Variants in NXPE2 observed in about 807,000 individuals in gnomAD.
The protein encoded by NXPE2 is neurexophilin and PC-esterase domain family member 2, also known as NXPE family member 2.
In NXPE2, 34 loss-of-function variants were observed where a neutral mutation model predicts 34.4. The ratio of observed to expected loss-of-function variants is 0.99; its 90% CI spans 0.75 to 1.31. The LOEUF (loss-of-function observed/expected upper bound fraction) is 1.31. Among genes scored for constraint, NXPE2 ranks in the 40% most tolerant of loss-of-function variants. The probability of loss-of-function intolerance (pLI) is 0.00; values close to 1 mark genes in which losing one functional copy is unlikely to be tolerated. For synonymous variants in NXPE2, 235 were observed against 231.3 expected (o/e 1.02, Z -0.15); for missense variants, 649 against 672.5 (o/e 0.97, Z 0.39).
At chr11:114,551,385 A>T in the NXPE2 span, 1 of 1,373,250 alleles carries the variant, frequency 7.3e-7, no homozygotes, top group South Asian at 1.8e-5. Context: ...TTGTCTACCT[A>T]TTGGATACTT....
chr11:114,654,772 A>G, the NXPE2 span, among the ~76,000 whole-genome samples: 2 of 152,202 alleles, frequency 1.3e-5, no homozygotes, highest in Non-Finnish European at 2.9e-5. Flanking sequence ...ATAGTGCTGC[A>G]ATAAATATAT....
At chr11:114,718,599 C>T in the NXPE2 span, among the ~76,000 whole-genome samples, 6 of 152,070 alleles carry the variant, frequency 3.9e-5, no homozygotes, top group Non-Finnish European at 8.8e-5. Context: ...GCAAAGGCTA[C>T]AATAATTGTG....
the NXPE2 span, among the ~76,000 whole-genome samples, chr11:114,716,907 A>G: frequency 5.9e-5 from 9 of 152,210 alleles, no homozygotes; most frequent in East Asian, 1.7e-3. Context: ...GTCTTTCTAT[A>G]TATTTGGTGC....
At chr11:114,695,585 C>T (rs1335823846) in intron 2 of NXPE2, among the ~76,000 whole-genome samples, 3 of 151,780 alleles carry the variant, frequency 2.0e-5, no homozygotes, top group Non-Finnish European at 4.4e-5. Flanking sequence ...ATAGTGGCAT[C>T]GGAACTAGAA....
the NXPE2 span, among the ~76,000 whole-genome samples, chr11:114,533,033 T>A: frequency 0.16 from 23,591 of 152,094 alleles, 1,980 homozygotes; most frequent in South Asian, 0.23. Flanking sequence ...GGCAAGGATG[T>A]TAGCCACAAT....
At chr11:114,755,674 A>G in the NXPE2 span, among the ~76,000 whole-genome samples, 1 of 147,766 alleles carries the variant, frequency 6.8e-6, no homozygotes, top group Non-Finnish European at 1.5e-5. Flanking sequence ...CCATTTATCT[A>G]TCTATCTGTC....
At chr11:114,640,174 T>A in the NXPE2 span, among the ~76,000 whole-genome samples, 3 of 103,326 alleles carry the variant, frequency 2.9e-5, no homozygotes, top group Admixed American at 1.1e-4. Context: ...ATATAAATAA[T>A]TTATATATTA....
the NXPE2 span, among the ~76,000 whole-genome samples, chr11:114,729,918 C>T: frequency 3.3e-5 from 5 of 151,978 alleles, no homozygotes; most frequent in Non-Finnish European, 7.4e-5. Context: ...TTAGGTCCCA[C>T]TTGTTGATTT....
At chr11:114,583,698 GC>G in the NXPE2 span, 1 of 574,334 alleles carries the variant, frequency 1.7e-6, no homozygotes, top group South Asian at 1.4e-5. Flanking sequence ...AAGGCATCTG[GC>G]TTCTGTTATG....
At chr11:114,582,229 A>G in the NXPE2 span, 2 of 1,496,450 alleles carry the variant, frequency 1.3e-6, no homozygotes, top group East Asian at 2.3e-5. Context: ...TCTTTGGATC[A>G]GTATATAGGC....
the NXPE2 span, among the ~76,000 whole-genome samples, chr11:114,635,832 A>G: frequency 3.9e-5 from 6 of 152,038 alleles, no homozygotes; most frequent in African/African-American, 1.4e-4. Flanking sequence ...ATCATGGTGG[A>G]TAAGCTTTTT....
the NXPE2 span, among the ~76,000 whole-genome samples, chr11:114,772,083 C>T: frequency 3.2e-4 from 48 of 152,276 alleles, no homozygotes; most frequent in Middle Eastern, 3.4e-3. Context: ...TGAAAACGGA[C>T]GCTTTGTGTG....
At chr11:114,605,040 G>A in the NXPE2 span, among the ~76,000 whole-genome samples, 1 of 151,580 alleles carries the variant, frequency 6.6e-6, no homozygotes, top group Admixed American at 6.6e-5. Flanking sequence ...TGGATAATAA[G>A]TACTGCCTCG....
the NXPE2 span, among the ~76,000 whole-genome samples, chr11:114,755,663 T>C: frequency 6.6e-6 from 1 of 150,858 alleles, no homozygotes; most frequent in African/African-American, 2.5e-5. Context: ...TGTCTATCCA[T>C]CCATTTATCT....
the NXPE2 span, among the ~76,000 whole-genome samples, chr11:114,713,896 A>G: frequency 1.3e-5 from 2 of 152,220 alleles, no homozygotes; most frequent in African/African-American, 4.8e-5. Context: ...CTTCCTGTAC[A>G]GCATGAGTTT....
chr11:114,530,930 T>A, the NXPE2 span: 1 of 1,566,876 alleles, frequency 6.4e-7, no homozygotes, highest in African/African-American at 1.4e-5. Flanking sequence ...AGGATTGTGA[T>A]ATACTATGAA....
At chr11:114,644,088 T>A in the NXPE2 span, among the ~76,000 whole-genome samples, 2 of 152,174 alleles carry the variant, frequency 1.3e-5, no homozygotes, top group Admixed American at 1.3e-4. Flanking sequence ...ATGCTTGGGA[T>A]TTTTGCACAT....
the NXPE2 span, among the ~76,000 whole-genome samples, chr11:114,514,924 G>T: frequency 6.6e-6 from 1 of 151,766 alleles, no homozygotes; most frequent in South Asian, 2.1e-4. Flanking sequence ...TATGTATCTT[G>T]TTAATATATT....
chr11:114,466,209 A>G, the NXPE2 span, among the ~76,000 whole-genome samples: 454 of 152,338 alleles, frequency 3.0e-3, 1 homozygote, highest in African/African-American at 0.011. Context: ...ATGAATAAAA[A>G]ATACCTTTGT....
Sources: gnomAD v4.1 joint callset for allele counts (sites outside exome capture counted in the v4.1 genomes callset) on GRCh38, gnomAD v4.1.1 for gene constraint, MANE v1.5 for transcripts, NCBI Gene and HGNC (gene_info 2026-07-23, HGNC 2026-07-21) for gene names.